The following GAB2 variants were observed in gnomAD, a reference collection of about 807,000 sequenced individuals.
The protein encoded by GAB2 is GRB2 associated binding protein 2.
GAB2 carries 26 observed loss-of-function variants against 65.5 expected under a neutral mutation model. The ratio of observed to expected loss-of-function variants is 0.40; its 90% CI spans 0.29 to 0.55. The LOEUF is 0.55. Among genes scored for constraint, GAB2 ranks in the 20% least tolerant of loss-of-function variants. The pLI is 0.53. For missense variants in GAB2, 884 were observed against 875.8 expected (o/e 1.01, Z -0.12); for synonymous variants, 321 against 329.6 (o/e 0.97, Z 0.28).
At chr11:78,394,763 C>T (rs565659922) in intron 1 of GAB2, among the ~76,000 whole-genome samples, 1 of 152,282 alleles carries the variant, frequency 6.6e-6, no homozygotes, top group South Asian at 2.1e-4. Context: ...CCACCCAAAA[C>T]GGCTGCCCAA....
chr11:78,341,731 C>A (rs907772879), intron 1 of GAB2: 3 of 983,014 alleles, frequency 3.1e-6, no homozygotes, highest in African/African-American at 1.7e-5. Flanking sequence ...GGTACTTGCC[C>A]GCCATACTCT....
chr11:78,314,877 C>T (rs1170030345), intron 1 of GAB2, among the ~76,000 whole-genome samples: 1 of 152,116 alleles, frequency 6.6e-6, no homozygotes, highest in Admixed American at 6.6e-5. Flanking sequence ...CGTCAAGAGG[C>T]CTTGGAGAAA....
intron 2 of GAB2, 145 bp downstream of exon 2, chr11:78,280,456 T>G: frequency 2.8e-6 from 2 of 703,402 alleles, no homozygotes; most frequent in South Asian, 1.8e-5. Flanking sequence ...CTCTAATATT[T>G]GGCCAACCCC....
chr11:78,253,408 T>C (rs957069760), intron 2 of GAB2, among the ~76,000 whole-genome samples: 1 of 152,236 alleles, frequency 6.6e-6, no homozygotes, highest in African/African-American at 2.4e-5. Flanking sequence ...CTTCCTGCCT[T>C]AGCCTCCGGA....
At chr11:78,342,404 CTTTTTTTTTTTTTT>C (rs143105179) in intron 1 of GAB2, among the ~76,000 whole-genome samples, 2 of 109,878 alleles carry the variant, frequency 1.8e-5, no homozygotes, top group Non-Finnish European at 3.5e-5. Flanking sequence ...ACACTTTGCA[CTTTTTTTTTTTTTT>C]TTTTTTTTTG....
rs1023069448 is a variant in GAB2 at position 78,267,280 on chromosome 11, G to A, written c.376+13321C>T. On this transcript the variant is annotated intron_variant, in intron 2 of 9. Transcript: ENST00000361507. ...CTGGCTTTATGCTGGGATGCAGGGG[G>A]CCTGGACTTAATGGTAGAGTTCAGA... Among the ~76,000 whole-genome samples the A allele has an allele frequency of 3.3e-5, 5 of 152,284 alleles. No homozygotes were observed. The East Asian group carries it at 9.7e-4, about 29-fold the overall frequency.
chr11:78,372,075 G>A (rs1369545932), intron 1 of GAB2, among the ~76,000 whole-genome samples: 2 of 152,158 alleles, frequency 1.3e-5, no homozygotes, highest in African/African-American at 2.4e-5. Context: ...AAGGTAGGGG[G>A]AGCAGAAGAG....
chr11:78,321,375 C>A (rs988049821), intron 1 of GAB2, among the ~76,000 whole-genome samples: 1 of 152,162 alleles, frequency 6.6e-6, no homozygotes, highest in African/African-American at 2.4e-5. Flanking sequence ...CCTCTATTAC[C>A]GATGGAACTT....
In GAB2 at chr11:78,326,776, A is replaced by G. The variant is rs574127420; in HGVS notation, c.76-45875T>C. On this transcript the variant is annotated intron_variant, in intron 1 of 9. Transcript: ENST00000361507. ...GTGGAGAATTTTTCAGTCATCTCAG[A>G]ACTAACTCAGTTTGCTACTCTCAAA... is the stretch of plus-strand genomic sequence containing the variant. Among the ~76,000 whole-genome samples the G allele has an allele frequency of 2.6e-5, 4 of 152,334 alleles. 1 individual carries two copies. The highest frequency in any genetic ancestry group is 9.6e-5 in the African/African-American group (4 of 41,566).
intron 1 of GAB2, among the ~76,000 whole-genome samples, chr11:78,295,720 T>A (rs1259149336): frequency 6.6e-6 from 1 of 151,706 alleles, no homozygotes; most frequent in Non-Finnish European, 1.5e-5. Context: ...CCTCGAGGAG[T>A]CACAGAAGTT....
chr11:78,267,376 T>A (rs556595914), intron 2 of GAB2, among the ~76,000 whole-genome samples: 3 of 152,306 alleles, frequency 2.0e-5, no homozygotes, highest in Admixed American at 2.0e-4. Flanking sequence ...CACCTCTAGA[T>A]CACTATTTCC....
chr11:78,270,850 G>C (rs1027952903), intron 2 of GAB2, among the ~76,000 whole-genome samples: 1 of 152,154 alleles, frequency 6.6e-6, no homozygotes, highest in South Asian at 2.1e-4. Flanking sequence ...TCCCAACAAC[G>C]CTGTGAGGAG....
intron 1 of GAB2, among the ~76,000 whole-genome samples, chr11:78,316,287 T>G (rs2134653075): frequency 6.6e-6 from 1 of 152,296 alleles, no homozygotes; most frequent in South Asian, 2.1e-4. Context: ...GCATTATAAC[T>G]GTGTGAGCCA....
chr11:78,282,511 G>A (rs1186509032), intron 1 of GAB2, among the ~76,000 whole-genome samples: 4 of 152,010 alleles, frequency 2.6e-5, no homozygotes, highest in Non-Finnish European at 5.9e-5. Flanking sequence ...GCTTCACCAT[G>A]TTGGCCAGGC....
chr11:78,223,681 G>A lies in GAB2; in HGVS notation c.1303-5C>T. On this transcript the variant is annotated splice_polypyrimidine_tract_variant and splice_region_variant and intron_variant, in intron 5 of 9. Coordinates refer to ENST00000361507, the MANE Select transcript of GAB2 (RefSeq NM_080491.3). ...GCCCACAATCATTTTCCCTGGCTAG[G>A]GAGAGGAACAGTGAAAGAAATACAG... is the stretch of plus-strand genomic sequence containing the variant. 1.3e-6 allele frequency: 2 copies of A among 1,583,544 alleles called. No homozygotes were observed. The highest frequency in any genetic ancestry group is 1.4e-5 in the African/African-American group (1 of 73,890).
chr11:78,277,771 T>C (rs2510046), intron 2 of GAB2, among the ~76,000 whole-genome samples: 23,960 of 152,220 alleles, frequency 0.16, 2,441 homozygotes, highest in East Asian at 0.4. Context: ...CATGCCAATA[T>C]ATAAAACTCC....
chr11:78,386,469 T>C (rs1308128710), intron 1 of GAB2, among the ~76,000 whole-genome samples: 1 of 152,216 alleles, frequency 6.6e-6, no homozygotes, highest in Non-Finnish European at 1.5e-5. Flanking sequence ...ATCTGTTTCT[T>C]TGTAGAAAGT....
Position 78,226,665 on chromosome 11 carries a change from T to G in GAB2, c.1007A>C (p.His336Pro). 1 of 1,613,936 alleles carries G rather than the reference T, an allele frequency of 6.2e-7. No homozygotes were observed. Among genetic ancestry groups the G allele is most frequent in the Non-Finnish European group, 8.5e-7 (1 of 1,179,944 alleles). Residue 336 changes from histidine (H) to proline (P), a missense_variant, in exon 4 of 10, where the codon CAC (histidine) becomes CCC (proline). Transcript: ENST00000361507. ...IPRTFTLDKN[H>P]NAMTVATPGD... The stretch of plus-strand genomic sequence containing the variant: ...AGGAGTGGCCACTGTCATGGCATTG[T>G]GGTTTTTGTCCAGAGTGAATGTCCT...
chr11:78,266,138 C>G, intron 2 of GAB2, among the ~76,000 whole-genome samples: 1 of 134,270 alleles, frequency 7.4e-6, no homozygotes, highest in South Asian at 2.3e-4. Context: ...TCACTTGAAC[C>G]TGAGTGGTGG....
Sources: gnomAD v4.1 joint callset for allele counts (sites outside exome capture counted in the v4.1 genomes callset) on GRCh38, gnomAD v4.1.1 for gene constraint, MANE v1.5 for transcripts, NCBI Gene and HGNC (gene_info 2026-07-23, HGNC 2026-07-21) for gene names.